Variants in KLHL5 observed in about 807,000 individuals in gnomAD.
The protein encoded by KLHL5 is kelch like family member 5.
In KLHL5, 48 loss-of-function variants were observed where a neutral mutation model predicts 77.7. That is an observed-to-expected ratio of 0.62 (90% confidence interval 0.49 to 0.79). The LOEUF is 0.79. Ranked by LOEUF, KLHL5 falls within the 30% of genes least tolerant of loss-of-function variation. The pLI, the probability that KLHL5 is intolerant of heterozygous loss-of-function variation, is 0.00. For missense variants in KLHL5, 723 were observed against 859.7 expected (o/e 0.84, Z 1.99); for synonymous variants, 260 against 297.0 (o/e 0.88, Z 1.28).
downstream of KLHL5, among the ~76,000 whole-genome samples, chr4:39,126,471 C>A (rs1215232527): frequency 2.6e-5 from 4 of 152,068 alleles, no homozygotes; most frequent in Non-Finnish European, 5.9e-5. Context: ...TGAAGAAATG[C>A]CGTATTGACA....
chr4:39,085,421 T>C (rs904049659), intron 4 of KLHL5, among the ~76,000 whole-genome samples: 1 of 152,206 alleles, frequency 6.6e-6, no homozygotes, highest in African/African-American at 2.4e-5. Flanking sequence ...TGATAGTCCT[T>C]ATTTCTAGCT....
upstream of KLHL5, chr4:39,062,230 A>G: frequency 8.2e-7 from 1 of 1,224,814 alleles, no homozygotes; most frequent in Non-Finnish European, 1.0e-6. Flanking sequence ...AGAGACTGAG[A>G]TACTGCAACG....
In KLHL5 at chr4:39,076,129, G is replaced by T; in HGVS notation, c.548G>T (p.Arg183Leu). Residue 183 changes from arginine (R) to leucine (L), a missense_variant, in exon 2 of 11, where the codon CGC (arginine) becomes CTC (leucine). Around this residue, in one of 3 missense-constraint regions of KLHL5, gnomAD observed 221 missense variants for 222.1 expected, o/e 1.00. Coordinates refer to ENST00000504108, the MANE Select transcript of KLHL5 (RefSeq NM_015990.5). Reference sequence around the variant, plus strand: ...GATGTAATTTTAGTCGCTGGTGATCGCAGAATTCCAGCTCACAGGTAGTTG... The same window carrying T: ...GATGTAATTTTAGTCGCTGGTGATCTCAGAATTCCAGCTCACAGGTAGTTG... ...LCDVILVAGD[R>L]RIPAHRLVLS... is the part of the protein sequence containing the mutation. 6.2e-7 allele frequency: 1 copy of T among 1,602,634 alleles called. No homozygotes were observed. The highest frequency in any genetic ancestry group is 8.5e-7 in the Non-Finnish European group (1 of 1,177,102).
At chr4:39,058,435 G>A (rs1431797677), upstream of KLHL5, among the ~76,000 whole-genome samples, 1 of 152,038 alleles carries the variant, frequency 6.6e-6, no homozygotes, top group Non-Finnish European at 1.5e-5. Flanking sequence ...AGACCAGCCT[G>A]GGCAACATGG....
chr4:39,087,910 C>T (rs886752462), intron 5 of KLHL5, among the ~76,000 whole-genome samples: 1 of 152,184 alleles, frequency 6.6e-6, no homozygotes, highest in African/African-American at 2.4e-5. Flanking sequence ...TTGTTTTTTA[C>T]AGAGACAGTA....
intron 1 of KLHL5, among the ~76,000 whole-genome samples, chr4:39,069,567 T>TATAA (rs1482555197): frequency 1.1e-4 from 11 of 101,328 alleles, no homozygotes; most frequent in East Asian, 2.9e-4. Flanking sequence ...TATATATATA[T>TATAA]AAACCATAGA....
In KLHL5 at chr4:39,112,081, ATATT is replaced by A. The variant is rs796400881; in HGVS notation, c.1689-935_1689-932del. On this transcript the variant is annotated intron_variant, in intron 8 of 10. Coordinates refer to ENST00000504108, the MANE Select transcript of KLHL5 (RefSeq NM_015990.5). ...CTCTTTTAAAAAACTAGTAGAAAAA[ATATT>A]TATGGAAAGCTTCCCAAATGAATAG... 2.1e-4 allele frequency among the ~76,000 whole-genome samples: 32 copies of A among 152,280 alleles called. 1 individual carries two copies. Among genetic ancestry groups the A allele is most frequent in the African/African-American group, 7.2e-4 (30 of 41,598 alleles).
chr4:39,107,127 T>A (rs1204429552), intron 7 of KLHL5, among the ~76,000 whole-genome samples: 3 of 151,378 alleles, frequency 2.0e-5, no homozygotes, highest in Admixed American at 6.6e-5. Flanking sequence ...GGCTCACTGC[T>A]ACCTCTGCCC....
At chr4:39,051,493 TC>T in intron 1 of KLHL5, among the ~76,000 whole-genome samples, 2 of 152,318 alleles carry the variant, frequency 1.3e-5, no homozygotes, top group Admixed American at 1.3e-4. Flanking sequence ...GAAGGGGTTT[TC>T]TTGGGTTTAA....
downstream of KLHL5, among the ~76,000 whole-genome samples, chr4:39,130,701 G>A (rs1421402855): frequency 1.3e-5 from 2 of 152,174 alleles, no homozygotes; most frequent in Non-Finnish European, 2.9e-5. Context: ...TGGTGCCGTA[G>A]GCTCCTCTCA....
At chr4:39,085,552 C>T (rs997535471) in intron 4 of KLHL5, among the ~76,000 whole-genome samples, 3 of 152,050 alleles carry the variant, frequency 2.0e-5, no homozygotes, top group Non-Finnish European at 4.4e-5. Context: ...CATTTATAAC[C>T]GTGTCAACTA....
chr4:39,103,760 A>G (rs1577723556), intron 7 of KLHL5, among the ~76,000 whole-genome samples: 1 of 152,168 alleles, frequency 6.6e-6, no homozygotes, highest in African/African-American at 2.4e-5. Context: ...TAGGAGTTCA[A>G]GACCATCCTG....
downstream of KLHL5, among the ~76,000 whole-genome samples, chr4:39,128,689 G>A (rs550926338): frequency 3.3e-5 from 5 of 152,242 alleles, no homozygotes; most frequent in Non-Finnish European, 5.9e-5. Context: ...GATGCTAGAC[G>A]CAGTGGCTCA....
intron 5 of KLHL5, among the ~76,000 whole-genome samples, chr4:39,091,081 C>A (rs1720502269): frequency 6.6e-6 from 1 of 151,364 alleles, no homozygotes; most frequent in Admixed American, 6.6e-5. Context: ...TCCCATCTCC[C>A]GGGTTCAAGC....
At chr4:39,103,266 C>T (rs1163344697) in intron 6 of KLHL5, 21 bp from the exon 7 acceptor site, 3 of 1,545,140 alleles carry the variant, frequency 1.9e-6, no homozygotes, top group East Asian at 2.4e-5. Context: ...ATTTACATAA[C>T]TTCTATATAT....
upstream of KLHL5, among the ~76,000 whole-genome samples, chr4:39,061,787 T>TA (rs1322453717): frequency 1.3e-5 from 2 of 152,250 alleles, no homozygotes; most frequent in Non-Finnish European, 2.9e-5. Flanking sequence ...TTTCTACTTA[T>TA]AGAGAAATCC....
intron 1 of KLHL5, among the ~76,000 whole-genome samples, chr4:39,072,426 CAG>C (rs1718564813): frequency 6.6e-6 from 1 of 152,098 alleles, no homozygotes; most frequent in South Asian, 2.1e-4. Context: ...TAGTGAGTGA[CAG>C]AGTGAGAGTT....
chr4:39,081,809 A>C lies in KLHL5; in HGVS notation c.704-154A>C, dbSNP rs562407598. On this transcript the variant is annotated intron_variant, in intron 3 of 10. Coordinates refer to ENST00000504108, the MANE Select transcript of KLHL5 (RefSeq NM_015990.5). The surrounding 1 kb of genome is among the most constrained non-coding windows in gnomAD (Gnocchi z 4.3). ...GGAGCTAATAATTTTTTCCCCATTT[A>C]GTCCTTCTTTTCTTTTTGGGATGTC... is the stretch of plus-strand genomic sequence containing the variant. Among the ~76,000 whole-genome samples, 61 of 152,118 alleles carry C rather than the reference A, an allele frequency of 4.0e-4. No individual in the cohort carries two copies. Among genetic ancestry groups the C allele is most frequent in the Non-Finnish European group, 4.7e-4 (32 of 68,014 alleles).
rs777009883 is a variant in KLHL5 at position 39,086,508 on chromosome 4, C to T, written c.901-7C>T. The T allele has an allele frequency of 9.9e-6, 16 of 1,608,156 alleles. No individual in the cohort carries two copies. The highest frequency in any genetic ancestry group is 2.2e-5 in the East Asian group (1 of 44,816). ...AATATTGTTTATCTGCTATTTCTTC[C>T]CTCTAGGAGCATTTCATGGAAGTAA... On this transcript the variant is annotated splice_region_variant and splice_polypyrimidine_tract_variant and intron_variant, in intron 4 of 10. Coordinates refer to ENST00000504108, the MANE Select transcript of KLHL5 (RefSeq NM_015990.5).
Sources: gnomAD v4.1 joint callset for allele counts (sites outside exome capture counted in the v4.1 genomes callset) on GRCh38, gnomAD v4.1.1 for gene constraint, gnomAD v4.1.1 regional missense constraint, Gnocchi (gnomAD v3.1) non-coding constraint, MANE v1.5 for transcripts, NCBI Gene and HGNC (gene_info 2026-07-23, HGNC 2026-07-21) for gene names.